Variants in POU6F2 observed in about 807,000 individuals in gnomAD.
The protein encoded by POU6F2 is POU class 6 homeobox 2, also known as POU domain, class 6, transcription factor 2.
POU6F2 carries 31 observed loss-of-function variants against 71.3 expected under a neutral mutation model. The observed-to-expected ratio is 0.43, with a 90% CI of 0.33 to 0.59. The LOEUF (loss-of-function observed/expected upper bound fraction) is 0.59. POU6F2 is among the 20% of genes least tolerant of loss of function. The pLI, the probability that POU6F2 is intolerant of heterozygous loss-of-function variation, is 0.04. For missense variants in POU6F2, 783 were observed against 856.8 expected, an observed-to-expected ratio of 0.91 and a Z score of 1.07; for synonymous variants, 347 against 355.7, an observed-to-expected ratio of 0.98 and a Z score of 0.27.
In POU6F2 at chr7:39,016,005, TATTATATATTA is replaced by T. The variant is rs776046238; in HGVS notation, c.105+37948_105+37958del. 2.0e-3 allele frequency among the ~76,000 whole-genome samples: 98 copies of T among 49,618 alleles called. 1 individual carries two copies. The highest frequency in any genetic ancestry group is 3.1e-3 in the Admixed American group (8 of 2,602). 32.6% of individuals were successfully genotyped at this position (49,618 alleles called of 152,430 possible). A position where few individuals can be genotyped will look rare whatever the true frequency, so the allele number is the denominator to read the frequency against. On this transcript the variant is annotated intron_variant, in intron 1 of 9. Transcript: ENST00000518318. Reference sequence around the variant, plus strand: ...TAGATATATATAATATATAGATATATATTATATATTATATATATTATATATAGATATATATT... The same window carrying T: ...TAGATATATATAATATATAGATATATTATATATTATATATAGATATATATT...
intron 1 of POU6F2, among the ~76,000 whole-genome samples, chr7:39,025,003 G>A (rs1029564828): frequency 7.2e-5 from 11 of 152,160 alleles, no homozygotes; most frequent in South Asian, 2.1e-4. Flanking sequence ...TTGGTATCAG[G>A]ATGATGCTGG....
At chr7:38,988,256 A>G (rs1050693399) in intron 1 of POU6F2, among the ~76,000 whole-genome samples, 9 of 152,044 alleles carry the variant, frequency 5.9e-5, no homozygotes, top group African/African-American at 1.7e-4. Context: ...CCACCAGGGG[A>G]AACCTTTAAA....
At position 39,056,738 on chromosome 7, in the gene POU6F2, T is replaced by C. The variant is rs1219475981; in HGVS notation, c.106-29122T>C. 3.3e-5 allele frequency among the ~76,000 whole-genome samples: 5 copies of C among 150,790 alleles called. No homozygotes were observed. The East Asian group carries it at 9.8e-4, about 30-fold the overall frequency. ...GGGGATGGGGTTGCCAATGCTATGT[T>C]CTATGCCAGTAGGACATTTTTTAAT... On this transcript the variant is annotated intron_variant, in intron 1 of 9. Transcript: ENST00000518318.
intron 2 of POU6F2, among the ~76,000 whole-genome samples, chr7:39,187,057 GT>G (rs998290331): frequency 3.9e-5 from 6 of 152,216 alleles, no homozygotes; most frequent in African/African-American, 9.7e-5. Flanking sequence ...CATTTATTGT[GT>G]GTTTACTATG....
chr7:39,407,989 G>A (rs1787475484), intron 6 of POU6F2, among the ~76,000 whole-genome samples: 1 of 152,188 alleles, frequency 6.6e-6, no homozygotes, highest in Non-Finnish European at 1.5e-5. Context: ...TTCAATGTCT[G>A]CTTTAACCCT....
intron 2 of POU6F2, among the ~76,000 whole-genome samples, chr7:39,145,568 A>C (rs1792603230): frequency 6.6e-6 from 1 of 152,202 alleles, no homozygotes; most frequent in Non-Finnish European, 1.5e-5. Context: ...ATGACTCTTA[A>C]AGGGTTTTCC....
chr7:39,204,114 G>T, intron 2 of POU6F2, 121 bp from the exon 3 acceptor site: 2 of 830,582 alleles, frequency 2.4e-6, no homozygotes, highest in South Asian at 1.5e-5. Context: ...GTTGATAAGT[G>T]ATTTGAGCAC....
intron 5 of POU6F2, among the ~76,000 whole-genome samples, chr7:39,400,492 G>T (rs955279899): frequency 2.0e-5 from 3 of 152,194 alleles, no homozygotes; most frequent in African/African-American, 7.2e-5. Context: ...AGGGCCAGCA[G>T]TGCCTGAGCA....
At chr7:39,073,657 G>C (rs968637192) in intron 1 of POU6F2, among the ~76,000 whole-genome samples, 1 of 152,222 alleles carries the variant, frequency 6.6e-6, no homozygotes, top group African/African-American at 2.4e-5. Context: ...GCCGTGTACA[G>C]ACCCAAGGCA....
chr7:39,094,415 C>CT (rs1400465790), intron 2 of POU6F2, among the ~76,000 whole-genome samples: 11 of 151,928 alleles, frequency 7.2e-5, no homozygotes, highest in Admixed American at 6.6e-4. Context: ...TTATCCTTTT[C>CT]TTTTTTTAAG....
rs541434798 is a variant in POU6F2, at chr7:39,009,275, C to T, written c.105+31217C>T. ...GTTGGATTCCTAAGTATTTTATTCT[C>T]TTTGAAGCAATTGTGAATGGGAATT... On this transcript the variant is annotated intron_variant, in intron 1 of 9. Transcript: ENST00000518318. Among the ~76,000 whole-genome samples the T allele has an allele frequency of 4.0e-5, 6 of 151,760 alleles. No individual in the cohort carries two copies. The South Asian group carries it at 1.3e-3, about 32-fold the overall frequency.
chr7:39,071,050 A>T (rs1790868676), intron 1 of POU6F2, among the ~76,000 whole-genome samples: 1 of 152,164 alleles, frequency 6.6e-6, no homozygotes, highest in South Asian at 2.1e-4. Flanking sequence ...CAAGCACATT[A>T]CATATATTGT....
At chr7:39,223,394 G>C (rs961124582) in intron 4 of POU6F2, among the ~76,000 whole-genome samples, 3 of 152,104 alleles carry the variant, frequency 2.0e-5, no homozygotes, top group Admixed American at 1.3e-4. Flanking sequence ...GGATACTCAC[G>C]TGAAAGAACA....
rs760236811 is a variant in POU6F2, at chr7:39,451,638, G to C, written c.1426G>C (p.Ala476Pro). The change falls in exon 8 of 10, where the codon GCT becomes CCT. Residue 476 changes from alanine to proline, a missense_variant. By Grantham distance (27) the Ala-to-Pro change is conservative. Around this residue, in one of 2 missense-constraint regions of POU6F2, gnomAD observed 572 missense variants for 572.9 expected, o/e 1.00. Transcript: ENST00000518318. The stretch of plus-strand genomic sequence containing the variant: ...CATGTCTCAAAGTCCCGTCCGGCAG[G>C]CTTCCTCTTCTTCCTCCTCATCCTC... Reference protein sequence around the residue: ...ASMSQSPVRQASSSSSSSSSS... With the variant: ...ASMSQSPVRQPSSSSSSSSSS... 6.3e-5 allele frequency: 102 copies of C among 1,612,904 alleles called. No homozygotes were observed. The highest frequency in any genetic ancestry group is 7.3e-5 in the Non-Finnish European group (86 of 1,179,544).
intron 2 of POU6F2, among the ~76,000 whole-genome samples, chr7:39,137,148 C>T (rs886169309): frequency 7.2e-5 from 11 of 151,798 alleles, no homozygotes; most frequent in African/African-American, 2.7e-4. Context: ...ATTTTAAATG[C>T]TCACCAAGCA....
chr7:39,107,680 C>T (rs1219132047), intron 2 of POU6F2, among the ~76,000 whole-genome samples: 4 of 151,946 alleles, frequency 2.6e-5, no homozygotes, highest in African/African-American at 9.7e-5. Context: ...GGAACCACCC[C>T]CCGCCCCCTA....
chr7:39,242,108 C>A (rs2128751449), intron 4 of POU6F2, among the ~76,000 whole-genome samples: 1 of 152,180 alleles, frequency 6.6e-6, no homozygotes, highest in African/African-American at 2.4e-5. Context: ...AATCCATTTG[C>A]CAGTTGAAGG....
At chr7:39,010,021 A>G (rs1237094657) in intron 1 of POU6F2, among the ~76,000 whole-genome samples, 13 of 150,244 alleles carry the variant, frequency 8.7e-5, no homozygotes, top group Non-Finnish European at 1.3e-4. Flanking sequence ...TTGGTATCAG[A>G]ATGATGCTGG....
chr7:39,297,644 C>T (rs1784876103), intron 4 of POU6F2, among the ~76,000 whole-genome samples: 1 of 152,056 alleles, frequency 6.6e-6, no homozygotes, highest in African/African-American at 2.4e-5. Flanking sequence ...AATACAGCTG[C>T]TAGGCTGCCA....
Sources: allele counts gnomAD v4.1 joint callset (sites outside exome capture counted in the v4.1 genomes callset), GRCh38; gene constraint gnomAD v4.1.1; regional missense constraint gnomAD v4.1.1; transcripts MANE v1.5; gene names NCBI Gene and HGNC (gene_info 2026-07-23, HGNC 2026-07-21).